The following HS6ST3 variants were observed in gnomAD, a reference collection of about 807,000 sequenced individuals.
The protein encoded by HS6ST3 is heparan sulfate 6-O-sulfotransferase 3.
Under a neutral mutation model 36.7 loss-of-function variants are expected in HS6ST3, and 12 were observed. That is an observed-to-expected ratio of 0.33 (90% CI 0.21 to 0.53). HS6ST3 has a LOEUF of 0.53. Among genes scored for constraint, HS6ST3 ranks in the 20% least tolerant of loss-of-function variants. The pLI is 0.95. For synonymous variants in HS6ST3, 240 were observed against 257.5 expected, an observed-to-expected ratio of 0.93 and a Z score of 0.65; for missense variants, 584 against 640.9, an observed-to-expected ratio of 0.91 and a Z score of 0.96.
intron 1 of HS6ST3, among the ~76,000 whole-genome samples, chr13:96,611,068 T>C (rs1358832085): frequency 1.3e-5 from 2 of 151,280 alleles, no homozygotes; most frequent in African/African-American, 4.8e-5. Flanking sequence ...TTTTCATTTC[T>C]TTCCCTTTTT....
chr13:96,677,434 T>C (rs1300229452), intron 1 of HS6ST3, among the ~76,000 whole-genome samples: 2 of 152,116 alleles, frequency 1.3e-5, no homozygotes, highest in Non-Finnish European at 2.9e-5. Flanking sequence ...CTTCCTACAA[T>C]GGTCATGTGT....
intron 1 of HS6ST3, among the ~76,000 whole-genome samples, chr13:96,456,421 A>G (rs1485793413): frequency 2.6e-5 from 4 of 152,146 alleles, no homozygotes; most frequent in Non-Finnish European, 4.4e-5. Context: ...GTAGCCCTCT[A>G]CCCCAATTAC....
At chr13:96,474,308 G>C (rs1255152067) in intron 1 of HS6ST3, among the ~76,000 whole-genome samples, 1 of 152,162 alleles carries the variant, frequency 6.6e-6, no homozygotes, top group African/African-American at 2.4e-5. Flanking sequence ...AGATGAGACC[G>C]AAGCTTGGGA....
At chr13:96,430,897 C>G (rs1486250740) in intron 1 of HS6ST3, among the ~76,000 whole-genome samples, 1 of 152,134 alleles carries the variant, frequency 6.6e-6, no homozygotes, top group African/African-American at 2.4e-5. Flanking sequence ...GAGATAGATT[C>G]TTTGGGTCCA....
At chr13:96,508,839 G>A (rs564603141) in intron 1 of HS6ST3, among the ~76,000 whole-genome samples, 6 of 152,138 alleles carry the variant, frequency 3.9e-5, no homozygotes, top group South Asian at 2.1e-4. Flanking sequence ...ATAAACATAC[G>A]TGTGCAAGTG....
intron 1 of HS6ST3, among the ~76,000 whole-genome samples, chr13:96,386,309 G>T (rs2055367644): frequency 6.6e-6 from 1 of 152,068 alleles, no homozygotes; most frequent in Admixed American, 6.5e-5. Flanking sequence ...GAAGAAAACT[G>T]TTGCAGCAGA....
At chr13:96,174,210 A>G (rs1289729127) in intron 1 of HS6ST3, among the ~76,000 whole-genome samples, 1 of 152,124 alleles carries the variant, frequency 6.6e-6, no homozygotes, top group East Asian at 1.9e-4. Context: ...CAGCTTCCCG[A>G]TGCCAGCTCC....
At chr13:96,824,907 G>A (rs932690794) in intron 1 of HS6ST3, among the ~76,000 whole-genome samples, 2 of 152,110 alleles carry the variant, frequency 1.3e-5, no homozygotes, top group African/African-American at 2.4e-5. Context: ...ATACATCCTG[G>A]GGAATCAAAG....
At chr13:96,311,232 G>A (rs1340782090) in intron 1 of HS6ST3, among the ~76,000 whole-genome samples, 1 of 152,148 alleles carries the variant, frequency 6.6e-6, no homozygotes, top group Non-Finnish European at 1.5e-5. Context: ...GAACAGTTGG[G>A]GAAGGTGGAT....
intron 1 of HS6ST3, among the ~76,000 whole-genome samples, chr13:96,248,979 T>G (rs2054596134): frequency 6.6e-6 from 1 of 152,186 alleles, no homozygotes; most frequent in Non-Finnish European, 1.5e-5. Flanking sequence ...TAGCCTTTCA[T>G]GGATTTCTTG....
At chr13:96,592,054 A>G (rs2056384299) in intron 1 of HS6ST3, among the ~76,000 whole-genome samples, 1 of 152,184 alleles carries the variant, frequency 6.6e-6, no homozygotes, top group Non-Finnish European at 1.5e-5. Context: ...ATCCCATTTC[A>G]TCATGATGAA....
rs139916355 is a variant in HS6ST3 at position 96,418,214 on chromosome 13, C to A, written c.707+326645C>A. ...CCATGAAAAAAACACTTGTTTGCAG[C>A]ATGAGAACTGAAACAAGAGGGTGGA... On this transcript the variant is annotated intron_variant, in intron 1 of 1. Transcript: ENST00000376705. Among the ~76,000 whole-genome samples, 107 of 152,316 alleles carry A rather than the reference C, an allele frequency of 7.0e-4. 1 individual carries two copies. In the East Asian group the frequency reaches 0.018, roughly 26 times the overall value.
At chr13:96,456,892 G>A (rs1339738961) in intron 1 of HS6ST3, among the ~76,000 whole-genome samples, 2 of 151,922 alleles carry the variant, frequency 1.3e-5, no homozygotes, top group Non-Finnish European at 2.9e-5. Context: ...TTCTTCTTTG[G>A]AAAATATAGT....
chr13:96,460,081 C>A (rs9516704), intron 1 of HS6ST3, among the ~76,000 whole-genome samples: 46,373 of 152,050 alleles, frequency 0.3, 7,304 homozygotes, highest in South Asian at 0.46. Flanking sequence ...GAATCTTATA[C>A]CTGAAGCTCA....
intron 1 of HS6ST3, among the ~76,000 whole-genome samples, chr13:96,356,326 G>C (rs2055209915): frequency 6.6e-6 from 1 of 152,022 alleles, no homozygotes; most frequent in Non-Finnish European, 1.5e-5. Flanking sequence ...TTTCCAGAAA[G>C]TTTTAAAATT....
At chr13:96,152,680 A>G (rs950445753) in intron 1 of HS6ST3, among the ~76,000 whole-genome samples, 2 of 151,914 alleles carry the variant, frequency 1.3e-5, no homozygotes, top group Non-Finnish European at 2.9e-5. Flanking sequence ...ATATGCTTCT[A>G]TATGATTCCC....
At chr13:96,320,711 A>C (rs2054998930) in intron 1 of HS6ST3, among the ~76,000 whole-genome samples, 1 of 152,208 alleles carries the variant, frequency 6.6e-6, no homozygotes, top group Non-Finnish European at 1.5e-5. Context: ...AGCATGGCCC[A>C]GCAGCTGGTG....
intron 1 of HS6ST3, among the ~76,000 whole-genome samples, chr13:96,639,129 A>T (rs560818770): frequency 2.6e-4 from 40 of 151,980 alleles, no homozygotes; most frequent in Non-Finnish European, 5.3e-4. Flanking sequence ...AAAGTGGGTC[A>T]TTGAAGTTCT....
In HS6ST3 at chr13:96,197,593, A is replaced by T. The variant is rs531487038; in HGVS notation, c.707+106024A>T. On this transcript the variant is annotated intron_variant, in intron 1 of 1. Transcript: ENST00000376705. Reference sequence around the variant, plus strand: ...ATAGTCCAAAGTCTCATCTGAGACAAGGCAAGTCCCTTCTGCCTATGAGCC... The same window carrying T: ...ATAGTCCAAAGTCTCATCTGAGACATGGCAAGTCCCTTCTGCCTATGAGCC... Among the ~76,000 whole-genome samples, 13 of 152,340 alleles carry T rather than the reference A, an allele frequency of 8.5e-5. 1 individual carries two copies. The highest frequency in any genetic ancestry group is 2.9e-4 in the African/African-American group (12 of 41,584).
Sources: gnomAD v4.1 joint callset for allele counts (sites outside exome capture counted in the v4.1 genomes callset) on GRCh38, gnomAD v4.1.1 for gene constraint, MANE v1.5 for transcripts, NCBI Gene and HGNC (gene_info 2026-07-23, HGNC 2026-07-21) for gene names.